Variants in PRKN observed in about 807,000 individuals in gnomAD.
The protein encoded by PRKN is E3 ubiquitin-protein ligase parkin.
In PRKN, 56 loss-of-function variants were observed where a neutral mutation model predicts 59.5. The observed-to-expected ratio is 0.94, with a 90% CI of 0.76 to 1.18. PRKN has a LOEUF of 1.18. PRKN is among the 50% of genes most tolerant of loss of function. PRKN has a pLI of 0.00. For synonymous variants in PRKN, 250 were observed against 222.1 expected, an observed-to-expected ratio of 1.13 and a Z score of -1.12; for missense variants, 657 against 596.4, an observed-to-expected ratio of 1.10 and a Z score of -1.06.
At chr6:162,609,534 A>T (rs1466208002) in intron 1 of PRKN, among the ~76,000 whole-genome samples, 1 of 152,194 alleles carries the variant, frequency 6.6e-6, no homozygotes, top group African/African-American at 2.4e-5. Flanking sequence ...GTCAAATATC[A>T]CTAACACTGA....
intron 2 of PRKN, among the ~76,000 whole-genome samples, chr6:162,333,106 T>A: frequency 6.6e-6 from 1 of 152,260 alleles, no homozygotes; most frequent in Non-Finnish European, 1.5e-5. Flanking sequence ...TACTTTTTCC[T>A]ATTTTGAATT....
chr6:162,469,399 G>T (rs895860130), intron 1 of PRKN, among the ~76,000 whole-genome samples: 1 of 151,594 alleles, frequency 6.6e-6, no homozygotes, highest in African/African-American at 2.4e-5. Flanking sequence ...GGTACTTGCA[G>T]ATGCATGTTT....
intron 7 of PRKN, among the ~76,000 whole-genome samples, chr6:161,685,040 C>T (rs1785502188): frequency 6.6e-6 from 1 of 152,170 alleles, no homozygotes; most frequent in Admixed American, 6.5e-5. Flanking sequence ...AACTGAAAAA[C>T]TCTTTTTTTT....
Position 161,784,802 on chromosome 6 carries a change from A to G in PRKN, c.871+970T>C, listed in dbSNP as rs151236123. Among the ~76,000 whole-genome samples the G allele has an allele frequency of 6.5e-3, 988 of 152,362 alleles. 2 individuals carry two copies. The highest frequency in any genetic ancestry group is 0.01 in the Non-Finnish European group (709 of 68,038). ...AGCAAATGTTCATACAGAAACTTAT[A>G]TATGAATGTTTACAACGGCATTATT... On this transcript the variant is annotated intron_variant, in intron 7 of 11. Transcript: ENST00000366898.
At position 161,785,829 on chromosome 6, in the gene PRKN, G is replaced by C. The variant is rs141366047; in HGVS notation, c.814C>G (p.Leu272Val). ...TCGTGAACAAACTGCCGATCATTGA[G>C]TCTTGTCACACAGTATAAGTGGAAA... is the stretch of plus-strand genomic sequence containing the variant. Reference protein sequence around the residue: ...DCFHLYCVTRLNDRQFVHDPQ... With the variant: ...DCFHLYCVTRVNDRQFVHDPQ... Residue 272 changes from leucine to valine, a missense_variant, in exon 7 of 12, where the codon CTC becomes GTC. Physicochemically the swap from Leu to Val is conservative, Grantham distance 32 (BLOSUM62 1). Coordinates refer to ENST00000366898, the MANE Select transcript of PRKN (RefSeq NM_004562.3). The C allele has an allele frequency of 2.4e-5, 38 of 1,614,122 alleles. No individual in the cohort carries two copies. The highest frequency in any genetic ancestry group is 3.1e-5 in the Non-Finnish European group (36 of 1,179,972).
At chr6:162,680,795 A>G (rs1445249696) in intron 1 of PRKN, among the ~76,000 whole-genome samples, 3 of 152,210 alleles carry the variant, frequency 2.0e-5, no homozygotes, top group East Asian at 3.8e-4. Flanking sequence ...TCTTTAAAGC[A>G]ATCTTCAGTG....
chr6:161,454,043 A>G lies in PRKN; in HGVS notation c.1084-67166T>C, dbSNP rs1216068440. Among the ~76,000 whole-genome samples the G allele has an allele frequency of 6.6e-6, 1 of 152,124 alleles. No homozygotes were observed. ...TGCAATGCAAATTCTGATGTCAGTA[A>G]ATACATTGAGAGACTAATTTGTCAA... On this transcript the variant is annotated intron_variant, in intron 9 of 11. Coordinates refer to ENST00000366898, the MANE Select transcript of PRKN (RefSeq NM_004562.3). This position sits in a 1 kb window ranked among gnomAD's most constrained non-coding sequence, Gnocchi z 4.6.
At chr6:162,235,085 C>T (rs916235106) in intron 3 of PRKN, among the ~76,000 whole-genome samples, 9 of 152,096 alleles carry the variant, frequency 5.9e-5, no homozygotes, top group Non-Finnish European at 1.2e-4. Context: ...TTTTCTTATA[C>T]AAAGGAAACT....
rs1036398053 is a variant in PRKN at position 161,499,540 on chromosome 6, A to G, written c.1083+49314T>C. The stretch of plus-strand genomic sequence containing the variant: ...TGGGACCTCTCTTCTAGCCTCTTGC[A>G]TCTACCTCTATGGTTTGACTTCTGA... On this transcript the variant is annotated intron_variant, in intron 9 of 11. Coordinates refer to ENST00000366898, the MANE Select transcript of PRKN (RefSeq NM_004562.3). This position sits in a 1 kb window ranked among gnomAD's most constrained non-coding sequence, Gnocchi z 4.2. 1.3e-5 allele frequency among the ~76,000 whole-genome samples: 2 copies of G among 152,038 alleles called. No individual in the cohort carries two copies. Among genetic ancestry groups the G allele is most frequent in the African/African-American group, 4.8e-5 (2 of 41,390 alleles).
intron 5 of PRKN, among the ~76,000 whole-genome samples, chr6:162,019,238 A>G (rs779119893): frequency 6.6e-6 from 1 of 152,312 alleles, no homozygotes; most frequent in South Asian, 2.1e-4. Flanking sequence ...CTCTCCCTAA[A>G]TATCTTCCTC....
chr6:161,987,900 T>C (rs1265497749), intron 5 of PRKN, among the ~76,000 whole-genome samples: 2 of 152,214 alleles, frequency 1.3e-5, no homozygotes, highest in South Asian at 2.1e-4. Context: ...TGGCAAATAG[T>C]GCAGCATCAT....
intron 1 of PRKN, among the ~76,000 whole-genome samples, chr6:162,559,059 G>A (rs1317427054): frequency 6.7e-6 from 1 of 149,344 alleles, no homozygotes; most frequent in East Asian, 2.0e-4. Flanking sequence ...GCTGAGGCAG[G>A]AGAATGGCGT....
intron 1 of PRKN, among the ~76,000 whole-genome samples, chr6:162,598,549 A>C (rs1781574934): frequency 6.6e-6 from 1 of 152,114 alleles, no homozygotes; most frequent in African/African-American, 2.4e-5. Context: ...GAAGTTCATG[A>C]AATAGAAAGA....
At chr6:161,619,515 A>T (rs1280028170) in intron 7 of PRKN, among the ~76,000 whole-genome samples, 1 of 152,154 alleles carries the variant, frequency 6.6e-6, no homozygotes, top group Non-Finnish European at 1.5e-5. Context: ...CAGGGTTCTT[A>T]CTTGGTATCA....
intron 9 of PRKN, among the ~76,000 whole-genome samples, chr6:161,421,573 G>A (rs1392746128): frequency 6.6e-6 from 1 of 152,146 alleles, no homozygotes; most frequent in Non-Finnish European, 1.5e-5. Flanking sequence ...ATTAACGGGG[G>A]AATGGAGGGG....
intron 7 of PRKN, among the ~76,000 whole-genome samples, chr6:161,762,447 C>G (rs1789240683): frequency 1.3e-5 from 2 of 152,160 alleles, no homozygotes; most frequent in Admixed American, 1.3e-4. Context: ...GCAGAAGTTA[C>G]TTTCAAGCTA....
At chr6:161,701,555 T>G (rs1786250967) in intron 7 of PRKN, among the ~76,000 whole-genome samples, 2 of 152,220 alleles carry the variant, frequency 1.3e-5, no homozygotes, top group African/African-American at 4.8e-5. Flanking sequence ...GTTTTTACAT[T>G]TAACCTATTA....
chr6:162,400,000 G>A (rs1583504706), intron 2 of PRKN, among the ~76,000 whole-genome samples: 1 of 152,312 alleles, frequency 6.6e-6, no homozygotes, highest in East Asian at 1.9e-4. Flanking sequence ...TAGGTGAGGA[G>A]TTTGAGACCA....
Position 161,444,546 on chromosome 6 carries a change from G to A in PRKN, c.1084-57669C>T, listed in dbSNP as rs968078104. Among the ~76,000 whole-genome samples the A allele has an allele frequency of 6.6e-6, 1 of 152,200 alleles. No individual in the cohort carries two copies. Among genetic ancestry groups the A allele is most frequent in the Non-Finnish European group, 1.5e-5 (1 of 68,038 alleles). ...AAGTCCCTGCAGCCCCTGGTTAGTG[G>A]GAGACGCAGAGCAGGCATTCAGTCA... On this transcript the variant is annotated intron_variant, in intron 9 of 11. Transcript: ENST00000366898. This position sits in a 1 kb window ranked among gnomAD's most constrained non-coding sequence, Gnocchi z 5.6.
Sources: allele counts gnomAD v4.1 joint callset (sites outside exome capture counted in the v4.1 genomes callset), GRCh38; gene constraint gnomAD v4.1.1; non-coding constraint Gnocchi (gnomAD v3.1); transcripts MANE v1.5; gene names NCBI Gene and HGNC (gene_info 2026-07-23, HGNC 2026-07-21).